Variants in FAM177A1 observed in about 807,000 individuals in gnomAD.
The protein encoded by FAM177A1 is protein FAM177A1.
Under a neutral mutation model 26.1 loss-of-function variants are expected in FAM177A1, and 22 were observed. The observed-to-expected ratio is 0.84, with a 90% confidence interval of 0.60 to 1.20. FAM177A1 has a LOEUF of 1.20. FAM177A1 is among the 50% of genes most tolerant of loss of function. The pLI, the probability that FAM177A1 is intolerant of heterozygous loss-of-function variation, is 0.00. For synonymous variants in FAM177A1, 95 were observed against 99.3 expected, an observed-to-expected ratio of 0.96 and a Z score of 0.26; for missense variants, 296 against 291.1, an observed-to-expected ratio of 1.02 and a Z score of -0.12.
intron 4 of FAM177A1, among the ~76,000 whole-genome samples, chr14:35,080,805 C>T (rs974985050): frequency 1.3e-5 from 2 of 151,380 alleles, no homozygotes; most frequent in African/African-American, 4.9e-5. Context: ...AAACAAACAA[C>T]AAGAAAAAAC....
At chr14:35,046,256 G>T, upstream of FAM177A1, 3 of 465,322 alleles carry the variant, frequency 6.4e-6, no homozygotes, top group East Asian at 7.6e-5. Context: ...CGCGCGAGCC[G>T]GTAGTTGCGC....
intron 2 of FAM177A1, among the ~76,000 whole-genome samples, chr14:35,076,217 G>T (rs1338113351): frequency 6.6e-6 from 1 of 152,112 alleles, no homozygotes; most frequent in Non-Finnish European, 1.5e-5. Context: ...GATAGACTGG[G>T]TTAAGAAAAT....
At chr14:35,050,699 G>A (rs2044952666) in intron 1 of FAM177A1, 1 of 152,206 alleles carries the variant, frequency 6.6e-6, no homozygotes, top group Non-Finnish European at 1.5e-5. Context: ...TTCACTGACT[G>A]GAGCTGTTGC....
At chr14:35,078,740 T>C (rs748984227) in intron 3 of FAM177A1, among the ~76,000 whole-genome samples, 187 bp from the exon 4 acceptor site, 1 of 151,962 alleles carries the variant, frequency 6.6e-6, no homozygotes, top group Non-Finnish European at 1.5e-5. Flanking sequence ...TTGTTGGGAG[T>C]TTTGAAGCCA....
upstream of FAM177A1, chr14:35,045,301 A>T: frequency 6.6e-6 from 1 of 152,156 alleles, no homozygotes; most frequent in East Asian, 1.9e-4. Context: ...TTTTCAAATG[A>T]TTATTTGTTT....
At position 35,082,595 on chromosome 14, in the gene FAM177A1, T is replaced by C. The variant is rs1053518099; in HGVS notation, c.*1367T>C. On this transcript the variant is annotated 3_prime_UTR_variant, in exon 5 of 5. Coordinates refer to ENST00000280987, the MANE Select transcript of FAM177A1 (RefSeq NM_173607.5). ...TCTCTAAATGTGTGTATAGAACCTT[T>C]TATCAGTATAACATTGATTTATAAT... 1.3e-5 allele frequency: 2 copies of C among 152,024 alleles called. No homozygotes were observed. Among genetic ancestry groups the C allele is most frequent in the African/African-American group, 4.8e-5 (2 of 41,388 alleles). 9.4% of individuals were successfully genotyped at this position (152,024 alleles called of 1,614,324 possible). A position where few individuals can be genotyped will look rare whatever the true frequency, so the allele number is the denominator to read the frequency against.
At chr14:35,049,656 A>G (rs775691005) in intron 1 of FAM177A1, among the ~76,000 whole-genome samples, 48 of 152,190 alleles carry the variant, frequency 3.2e-4, no homozygotes, top group South Asian at 8.3e-4. Flanking sequence ...ATTATGGCTC[A>G]CGCCTGTAGT....
intron 2 of FAM177A1, among the ~76,000 whole-genome samples, chr14:35,075,853 A>G (rs1251598633): frequency 6.6e-6 from 1 of 152,250 alleles, no homozygotes; most frequent in Admixed American, 6.5e-5. Flanking sequence ...AAAAATGCTC[A>G]TCATCACTGG....
At chr14:35,061,768 T>C (rs1052771538) in intron 2 of FAM177A1, among the ~76,000 whole-genome samples, 2 of 144,872 alleles carry the variant, frequency 1.4e-5, no homozygotes, top group African/African-American at 2.6e-5. Flanking sequence ...TATAATAATA[T>C]TAAAAAAAAA....
At chr14:35,078,898 T>C (rs770483938) in intron 3 of FAM177A1, 29 bp from the exon 4 acceptor site, 4 of 1,458,080 alleles carry the variant, frequency 2.7e-6, no homozygotes, top group East Asian at 2.6e-5. Context: ...TATAGAATTA[T>C]ATAAGTCTTT....
At chr14:35,074,804 G>A (rs1471599893) in intron 2 of FAM177A1, among the ~76,000 whole-genome samples, 1 of 151,938 alleles carries the variant, frequency 6.6e-6, no homozygotes, top group African/African-American at 2.4e-5. Context: ...CACTTTGGGA[G>A]GCTGAGGTGG....
chr14:35,061,214 C>T (rs796738483), intron 2 of FAM177A1, among the ~76,000 whole-genome samples: 1 of 152,188 alleles, frequency 6.6e-6, no homozygotes, highest in African/African-American at 2.4e-5. Flanking sequence ...ACACCCTTAG[C>T]CTTGGACTTT....
At chr14:35,052,198 G>C (rs918410264) in intron 1 of FAM177A1, among the ~76,000 whole-genome samples, 3 of 151,708 alleles carry the variant, frequency 2.0e-5, no homozygotes, top group Admixed American at 2.0e-4. Flanking sequence ...CTTCACAATT[G>C]TATGTACTGT....
intron 2 of FAM177A1, among the ~76,000 whole-genome samples, chr14:35,076,697 C>T (rs1006449221): frequency 6.6e-6 from 1 of 151,990 alleles, no homozygotes; most frequent in East Asian, 1.9e-4. Flanking sequence ...CCTTACATAT[C>T]CTGCTTAATT....
chr14:35,064,000 A>G (rs1308393650), intron 2 of FAM177A1, among the ~76,000 whole-genome samples: 2 of 144,200 alleles, frequency 1.4e-5, no homozygotes, highest in Non-Finnish European at 3.0e-5. Flanking sequence ...GTGAGCAGAG[A>G]CCACCCTACT....
intron 2 of FAM177A1, among the ~76,000 whole-genome samples, chr14:35,054,425 A>G (rs2045027409): frequency 6.6e-6 from 1 of 152,142 alleles, no homozygotes; most frequent in Admixed American, 6.6e-5. Flanking sequence ...TTATTTTGAG[A>G]GTCCAGGTAA....
At position 35,046,532 on chromosome 14, in the gene FAM177A1, G is replaced by A. The variant is rs139171323; in HGVS notation, c.69G>A (p.Thr23=). The A allele has an allele frequency of 4.3e-3, 6,926 of 1,602,436 alleles. 19 individuals carry two copies. Among genetic ancestry groups the A allele is most frequent in the Non-Finnish European group, 5.2e-3 (6,144 of 1,176,144 alleles). Residue 23 remains threonine (T), a synonymous_variant, in exon 1 of 5, where the codon ACG becomes ACA. Transcript: ENST00000280987. ...CCAGCAGCCCTGTGGTGGCGACGAC[G>A]ATGGACCAGGAGCCAGTGGGCGGTG... The part of the protein sequence containing the change: ...TSASSPVVAT[T]MDQEPVGGVE...
chr14:35,064,591 A>G (rs910077027), intron 2 of FAM177A1, among the ~76,000 whole-genome samples: 6 of 152,180 alleles, frequency 3.9e-5, no homozygotes, highest in African/African-American at 9.7e-5. Context: ...CATGTTGACT[A>G]AATTAACCGA....
intron 3 of FAM177A1, 144 bp from the exon 4 acceptor site, chr14:35,078,783 T>C (rs1322584152): frequency 1.5e-5 from 8 of 530,990 alleles, no homozygotes; most frequent in African/African-American, 4.0e-5. Flanking sequence ...AGGGAAGATA[T>C]ACAGAAGATA....
Sources: allele counts gnomAD v4.1 joint callset (sites outside exome capture counted in the v4.1 genomes callset), GRCh38; gene constraint gnomAD v4.1.1; transcripts MANE v1.5; gene names NCBI Gene and HGNC (gene_info 2026-07-23, HGNC 2026-07-21).